The following XRCC4 variants were observed in gnomAD, a reference collection of about 807,000 sequenced individuals.
XRCC4 encodes DNA repair protein XRCC4.
A neutral mutation model predicts 39.1 loss-of-function variants in XRCC4; 28 were observed. That is an observed-to-expected ratio of 0.72 (90% CI 0.53 to 0.98). XRCC4 has a LOEUF of 0.98. Among genes scored for constraint, XRCC4 ranks in the 50% least tolerant of loss-of-function variants. The probability of loss-of-function intolerance (pLI) is 0.00; values close to 1 mark genes in which losing one functional copy is unlikely to be tolerated. For missense variants in XRCC4, 350 were observed against 376.4 expected, an observed-to-expected ratio of 0.93 and a Z score of 0.58; for synonymous variants, 123 against 126.4, an observed-to-expected ratio of 0.97 and a Z score of 0.18.
chr5:83,316,258 G>A (rs929154247), intron 7 of XRCC4, among the ~76,000 whole-genome samples: 3 of 151,862 alleles, frequency 2.0e-5, no homozygotes, highest in Non-Finnish European at 4.4e-5. Flanking sequence ...GTGGCTTCTT[G>A]AAATAAAAAC....
At chr5:83,258,766 G>A (rs1406650506) in intron 7 of XRCC4, 89 bp downstream of exon 7, 2 of 1,397,870 alleles carry the variant, frequency 1.4e-6, no homozygotes, top group Non-Finnish European at 9.7e-7. Context: ...CATTTTGAAC[G>A]TTTTTAAAGT....
At chr5:83,115,307 A>G (rs570508931) in intron 3 of XRCC4, among the ~76,000 whole-genome samples, 1 of 152,282 alleles carries the variant, frequency 6.6e-6, no homozygotes, top group South Asian at 2.1e-4. Context: ...CATACCTGTA[A>G]TTCCAGCTAC....
At chr5:83,210,517 C>G (rs1751601182) in intron 6 of XRCC4, among the ~76,000 whole-genome samples, 1 of 152,058 alleles carries the variant, frequency 6.6e-6, no homozygotes, top group Non-Finnish European at 1.5e-5. Context: ...CTTTTGGTTA[C>G]ACAGGGGAAA....
chr5:83,122,584 C>G (rs1747062404), intron 3 of XRCC4, among the ~76,000 whole-genome samples: 1 of 152,064 alleles, frequency 6.6e-6, no homozygotes, highest in Non-Finnish European at 1.5e-5. Flanking sequence ...AATTATAGAT[C>G]TTATGCATTT....
At chr5:83,185,785 T>TA (rs1750413159) in intron 3 of XRCC4, among the ~76,000 whole-genome samples, 1 of 152,216 alleles carries the variant, frequency 6.6e-6, no homozygotes, top group Middle Eastern at 3.4e-3. Flanking sequence ...AAGGAGAGAA[T>TA]AGATTGCTAA....
Position 83,195,780 on chromosome 5 carries a change from G to T in XRCC4, c.326G>T (p.Gly109Val), listed in dbSNP as rs747001193. Residue 109 changes from glycine to valine, a missense_variant, in exon 4 of 8, where the codon GGT (glycine) becomes GTT (valine). Gly to Val is a moderately radical substitution (Grantham distance 109, BLOSUM62 -3). Coordinates refer to ENST00000396027, the MANE Select transcript of XRCC4 (RefSeq NM_003401.5). The stretch of plus-strand genomic sequence containing the variant: ...TTTCTTTCATTTTAGTTCAGACTTG[G>T]TTCCTTCAACCTAGAGAAAGTTGAA... ...KNLKDVSFRL[G>V]SFNLEKVENP... The T allele has an allele frequency of 3.8e-6, 6 of 1,582,328 alleles. No individual in the cohort carries two copies. The highest frequency in any genetic ancestry group is 5.2e-6 in the Non-Finnish European group (6 of 1,163,298).
At chr5:83,296,876 C>G (rs1755113940) in intron 7 of XRCC4, among the ~76,000 whole-genome samples, 1 of 151,644 alleles carries the variant, frequency 6.6e-6, no homozygotes, top group African/African-American at 2.4e-5. Flanking sequence ...ACAGAATAGA[C>G]AAATTACTAG....
intron 7 of XRCC4, among the ~76,000 whole-genome samples, chr5:83,308,929 A>G (rs1461946278): frequency 6.6e-6 from 1 of 152,052 alleles, no homozygotes; most frequent in East Asian, 1.9e-4. Flanking sequence ...CATGAGAACC[A>G]TATTTTTCAT....
At chr5:83,135,833 C>A (rs1747872064) in intron 3 of XRCC4, among the ~76,000 whole-genome samples, 1 of 151,928 alleles carries the variant, frequency 6.6e-6, no homozygotes, top group African/African-American at 2.4e-5. Context: ...CCTTTAATGA[C>A]CTTGTGTATG....
intron 5 of XRCC4, 118 bp from the exon 6 acceptor site, chr5:83,204,697 A>T (rs1269729531): frequency 8.2e-6 from 5 of 609,680 alleles, no homozygotes; most frequent in Non-Finnish European, 1.4e-5. Flanking sequence ...TATTTTCAAT[A>T]TGTTTGTCTA....
chr5:83,080,226 A>G (rs1006140018), intron 1 of XRCC4, among the ~76,000 whole-genome samples: 1 of 152,146 alleles, frequency 6.6e-6, no homozygotes, highest in African/African-American at 2.4e-5. Flanking sequence ...CAGTCTGAAA[A>G]TATTAAGTAG....
intron 7 of XRCC4, among the ~76,000 whole-genome samples, chr5:83,334,596 A>G (rs1489269690): frequency 2.0e-5 from 3 of 151,984 alleles, no homozygotes; most frequent in Non-Finnish European, 4.4e-5. Flanking sequence ...ATTAAGGGAA[A>G]AAATGGTATA....
At chr5:83,103,186 A>T (rs1376935409) in intron 1 of XRCC4, among the ~76,000 whole-genome samples, 2 of 151,720 alleles carry the variant, frequency 1.3e-5, no homozygotes, top group Admixed American at 1.3e-4. Context: ...AAATGTTCAG[A>T]TAATCATTGT....
At chr5:83,085,411 A>C (rs969981152) in intron 1 of XRCC4, among the ~76,000 whole-genome samples, 3 of 152,194 alleles carry the variant, frequency 2.0e-5, no homozygotes, top group Middle Eastern at 3.2e-3. Context: ...ACAGCTGCTC[A>C]GGGAAAATAA....
chr5:83,308,740 T>C (rs1755576043), intron 7 of XRCC4, among the ~76,000 whole-genome samples: 1 of 152,152 alleles, frequency 6.6e-6, no homozygotes, highest in South Asian at 2.1e-4. Context: ...AAATAAAATG[T>C]TTCAAACTAA....
chr5:83,300,296 C>G (rs1462703302), intron 7 of XRCC4, among the ~76,000 whole-genome samples: 2 of 152,016 alleles, frequency 1.3e-5, no homozygotes, highest in Non-Finnish European at 2.9e-5. Context: ...CACTAGCTCT[C>G]CAGTGCTATT....
chr5:83,298,575 T>C (rs2112993506), intron 7 of XRCC4, among the ~76,000 whole-genome samples: 1 of 150,818 alleles, frequency 6.6e-6, no homozygotes, highest in South Asian at 2.1e-4. Flanking sequence ...GTATATCTGT[T>C]TATTCACCCT....
intron 3 of XRCC4, among the ~76,000 whole-genome samples, chr5:83,170,173 A>G (rs1749658334): frequency 6.6e-6 from 1 of 152,114 alleles, no homozygotes; most frequent in Non-Finnish European, 1.5e-5. Context: ...ACTTAGTAAC[A>G]TTGTGTCTTG....
At chr5:83,255,288 GA>G (rs1753495637) in intron 6 of XRCC4, among the ~76,000 whole-genome samples, 1 of 152,062 alleles carries the variant, frequency 6.6e-6, no homozygotes, top group Non-Finnish European at 1.5e-5. Flanking sequence ...TGAAGTAAGA[GA>G]ATCTATTACA....
Sources: allele counts gnomAD v4.1 joint callset (sites outside exome capture counted in the v4.1 genomes callset), GRCh38; gene constraint gnomAD v4.1.1; transcripts MANE v1.5; gene names NCBI Gene and HGNC (gene_info 2026-07-23, HGNC 2026-07-21).